FAM228B: variants seen among roughly 807,000 people sequenced by gnomAD.
The protein encoded by FAM228B is family with sequence similarity 228 member B.
FAM228B carries 38 observed loss-of-function variants against 42.6 expected under a neutral mutation model. The ratio of observed to expected loss-of-function variants is 0.89; its 90% CI spans 0.69 to 1.17. The LOEUF (loss-of-function observed/expected upper bound fraction) is 1.17. Among genes scored for constraint, FAM228B ranks in the 50% most tolerant of loss-of-function variants. The probability of loss-of-function intolerance (pLI) is 0.00; values close to 1 mark genes in which losing one functional copy is unlikely to be tolerated. For synonymous variants in FAM228B, 109 were observed against 122.3 expected, an observed-to-expected ratio of 0.89 and a Z score of 0.72; for missense variants, 344 against 367.3, an observed-to-expected ratio of 0.94 and a Z score of 0.52.
At position 24,080,364 on chromosome 2, in the gene FAM228B, A is replaced by T. The variant is rs1279235931; in HGVS notation, c.-289-512A>T. ...AGTGAGACTCCATCTCAAAAAAAAA[A>T]AAGAAAGAGAAACGGAAAGGGATGA... is the stretch of plus-strand genomic sequence containing the variant. On this transcript the variant is annotated intron_variant, in intron 1 of 10. Transcript: ENST00000613899. The surrounding 1 kb of genome is among the most constrained non-coding windows in gnomAD (Gnocchi z 4.7). Among the ~76,000 whole-genome samples, 1 of 151,942 alleles carries T rather than the reference A, an allele frequency of 6.6e-6. No homozygotes were observed. Among genetic ancestry groups the T allele is most frequent in the Non-Finnish European group, 1.5e-5 (1 of 67,960 alleles).
At position 24,080,360 on chromosome 2, in the gene FAM228B, A is replaced by C. The variant is rs1057054465; in HGVS notation, c.-289-516A>C. Among the ~76,000 whole-genome samples the C allele has an allele frequency of 6.6e-6, 1 of 151,982 alleles. No individual in the cohort carries two copies. Among genetic ancestry groups the C allele is most frequent in the Non-Finnish European group, 1.5e-5 (1 of 67,964 alleles). On this transcript the variant is annotated intron_variant, in intron 1 of 10. Transcript: ENST00000613899. The surrounding 1 kb of genome is among the most constrained non-coding windows in gnomAD (Gnocchi z 4.7). ...ACAGAGTGAGACTCCATCTCAAAAA[A>C]AAAAAAGAAAGAGAAACGGAAAGGG...
At chr2:24,128,663 A>G (rs1666372329) in intron 2 of FAM228B, among the ~76,000 whole-genome samples, 1 of 151,664 alleles carries the variant, frequency 6.6e-6, no homozygotes, top group African/African-American at 2.4e-5. Flanking sequence ...TTTTAACCAT[A>G]TTGAGTACTA....
In FAM228B at chr2:24,161,517, A is replaced by G. The variant is rs1371776331; in HGVS notation, c.698A>G (p.Lys233Arg). 5.2e-6 allele frequency: 8 copies of G among 1,530,062 alleles called. No homozygotes were observed. In the South Asian group the frequency reaches 8.4e-5, roughly 16 times the overall value. The allele number at this position is 1,530,062 out of a possible 1,614,324, so 94.8% of individuals were successfully genotyped here. A position where few individuals can be genotyped will look rare whatever the true frequency, so the allele number is the denominator to read the frequency against. ...TTATCTTGTTAAAGGTTAAAGGTGA[A>G]AGTGAATTTTAATGACTGTAGTTTT... ...EFCRRRRLKV[K>R]VNFNDCSFDL... The change falls in exon 8 of 11, where the codon AAA (lysine) becomes AGA (arginine). Residue 233 changes from lysine (K) to arginine (R), a missense_variant. Transcript: ENST00000615575.
chr2:24,092,884 CAA>C (rs1665419127), intron 2 of FAM228B, among the ~76,000 whole-genome samples: 1 of 150,380 alleles, frequency 6.6e-6, no homozygotes, highest in African/African-American at 2.4e-5. Context: ...TATGGTAAAA[CAA>C]TGACAAAATA....
intron 3 of FAM228B, among the ~76,000 whole-genome samples, chr2:24,106,292 G>C (rs550943672): frequency 1.3e-5 from 2 of 149,626 alleles, no homozygotes; most frequent in African/African-American, 4.9e-5. Context: ...AGCCAGAAGA[G>C]ACTGGTGGCC....
chr2:24,161,232 G>C (rs1667277944), intron 7 of FAM228B, among the ~76,000 whole-genome samples: 1 of 152,116 alleles, frequency 6.6e-6, no homozygotes, highest in Non-Finnish European at 1.5e-5. Context: ...GATCACTTGA[G>C]GCCAGGAGTT....
At chr2:24,100,737 A>C (rs1196253570) in intron 3 of FAM228B, among the ~76,000 whole-genome samples, 2 of 152,238 alleles carry the variant, frequency 1.3e-5, no homozygotes, top group African/African-American at 4.8e-5. Context: ...TAGAATTATC[A>C]TTTGACCCAG....
chr2:24,163,674 G>C (rs1667332935), intron 8 of FAM228B, among the ~76,000 whole-genome samples: 1 of 152,126 alleles, frequency 6.6e-6, no homozygotes, highest in Non-Finnish European at 1.5e-5. Context: ...TTTGATAAAT[G>C]ATATAAAAGG....
At position 24,084,374 on chromosome 2, in the gene FAM228B, G is replaced by GACA. The variant is rs748536632; in HGVS notation, c.-210+3419_-210+3420insACA. Reference sequence around the variant, plus strand: ...GGCAGGGCAGGACAGGACAGGGCAGGGCAGGGCAGGACAGGACAGGGCAGG... The same window carrying GACA: ...GGCAGGGCAGGACAGGACAGGGCAGGACAGCAGGGCAGGACAGGACAGGGCAGG... On this transcript the variant is annotated intron_variant, in intron 2 of 10. Transcript: ENST00000613899. The surrounding 1 kb of genome is among the most constrained non-coding windows in gnomAD (Gnocchi z 8.4). 9.3e-6 allele frequency: 13 copies of GACA among 1,391,918 alleles called. No individual in the cohort carries two copies. The African/African-American group carries it at 1.7e-4, about 18-fold the overall frequency. The allele number at this position is 1,391,918 out of a possible 1,614,324, so 86.2% of individuals were successfully genotyped here.
At chr2:24,131,521 T>C (rs1375368559) in intron 2 of FAM228B, among the ~76,000 whole-genome samples, 1 of 152,218 alleles carries the variant, frequency 6.6e-6, no homozygotes, top group Non-Finnish European at 1.5e-5. Flanking sequence ...TGGTTTGTAG[T>C]TCTCCTGGAA....
At chr2:24,127,369 GTTT>G (rs766065455) in intron 2 of FAM228B, among the ~76,000 whole-genome samples, 2 of 152,038 alleles carry the variant, frequency 1.3e-5, no homozygotes, top group Non-Finnish European at 2.9e-5. Context: ...GGTTGTTTCT[GTTT>G]TTTTGCTGTT....
At chr2:24,081,146 C>A in intron 2 of FAM228B, 1 of 181,780 alleles carries the variant, frequency 5.5e-6, no homozygotes, top group Non-Finnish European at 7.7e-6. Context: ...CAATCTTTTG[C>A]TTTTCCTTTT....
At chr2:24,105,900 T>G (rs768041090) in intron 3 of FAM228B, among the ~76,000 whole-genome samples, 1 of 151,478 alleles carries the variant, frequency 6.6e-6, no homozygotes, top group Non-Finnish European at 1.5e-5. Flanking sequence ...AATAACCCAT[T>G]CAGACAAGAA....
intron 7 of FAM228B, among the ~76,000 whole-genome samples, chr2:24,155,504 C>CATATATATATATATATATATAT (rs1156603467): frequency 1.7e-4 from 6 of 35,912 alleles, no homozygotes; most frequent in Non-Finnish European, 2.7e-4. Context: ...GAAGACCATG[C>CATATATATATATATATATATAT]ATATATATAT....
At chr2:24,168,131 G>T (rs148503546) in intron 10 of FAM228B, 1 of 175,524 alleles carries the variant, frequency 5.7e-6, no homozygotes, top group East Asian at 1.3e-4. Context: ...CCCAAGAGGA[G>T]ATATACAGTA....
chr2:24,122,274 T>G, upstream of FAM228B: 5 of 646,312 alleles, frequency 7.7e-6, no homozygotes, highest in East Asian at 2.7e-5. Context: ...TGCAGTGAGC[T>G]GAGATCATGC....
intron 3 of FAM228B, among the ~76,000 whole-genome samples, chr2:24,135,518 G>T (rs952750686): frequency 6.6e-6 from 1 of 152,158 alleles, no homozygotes; most frequent in Non-Finnish European, 1.5e-5. Flanking sequence ...TTATTACTCA[G>T]ATATACATAG....
upstream of FAM228B, chr2:24,122,438 A>T: frequency 6.2e-7 from 1 of 1,613,210 alleles, no homozygotes; most frequent in Non-Finnish European, 8.5e-7. Flanking sequence ...TGGTGATGCT[A>T]CACACAAGCT....
intron 7 of FAM228B, among the ~76,000 whole-genome samples, chr2:24,158,214 C>A (rs13022340): frequency 1.0e-5 from 1 of 95,702 alleles, no homozygotes; most frequent in Non-Finnish European, 1.9e-5. Flanking sequence ...TTTTTTTTTT[C>A]CAAAACATTG....
Sources: allele counts gnomAD v4.1 joint callset (sites outside exome capture counted in the v4.1 genomes callset), GRCh38; gene constraint gnomAD v4.1.1; non-coding constraint Gnocchi (gnomAD v3.1); transcripts MANE v1.5; gene names NCBI Gene and HGNC (gene_info 2026-07-23, HGNC 2026-07-21).